Variants in CDKL3 observed in about 807,000 individuals in gnomAD.
CDKL3 encodes the protein cyclin-dependent kinase-like 3.
CDKL3 carries 65 observed loss-of-function variants against 69.3 expected under a neutral mutation model. That is an observed-to-expected ratio of 0.94 (90% CI 0.77 to 1.15). The LOEUF is 1.15. Among genes scored for constraint, CDKL3 ranks in the 50% most tolerant of loss-of-function variants. CDKL3 has a pLI of 0.00. For missense variants in CDKL3, 652 were observed against 689.2 expected (o/e 0.95, Z 0.61); for synonymous variants, 202 against 221.6 (o/e 0.91, Z 0.79).
intron 4 of CDKL3, among the ~76,000 whole-genome samples, chr5:134,326,841 A>ATGTGTGTG (rs1341051033): frequency 7.9e-6 from 1 of 126,016 alleles, no homozygotes; most frequent in Non-Finnish European, 1.6e-5. Flanking sequence ...ATATATATAT[A>ATGTGTGTG]TATATATATA....
chr5:134,310,992 A>G (rs890265116), intron 7 of CDKL3, among the ~76,000 whole-genome samples: 1 of 152,236 alleles, frequency 6.6e-6, no homozygotes, highest in African/African-American at 2.4e-5. Context: ...GTCCAAAGAC[A>G]AGCTGAATGG....
intron 8 of CDKL3, among the ~76,000 whole-genome samples, chr5:134,290,542 G>A (rs936383137): frequency 3.3e-5 from 5 of 152,070 alleles, no homozygotes; most frequent in Admixed American, 3.3e-4. Context: ...GGAACAGAAT[G>A]AGCAATAGGG....
chr5:134,303,856 TAAATA>T (rs956951244), intron 11 of CDKL3, among the ~76,000 whole-genome samples: 1 of 151,802 alleles, frequency 6.6e-6, no homozygotes, highest in Non-Finnish European at 1.5e-5. Context: ...CTTAAATAAA[TAAATA>T]AATAAATAAA....
intron 3 of CDKL3, among the ~76,000 whole-genome samples, chr5:134,355,809 G>A (rs2149625337): frequency 1.3e-5 from 2 of 152,240 alleles, no homozygotes; most frequent in East Asian, 1.9e-4. Flanking sequence ...AAGCTAAGCC[G>A]CTCCATACTA....
chr5:134,306,328 C>T (rs533876631), intron 10 of CDKL3, among the ~76,000 whole-genome samples: 1 of 152,050 alleles, frequency 6.6e-6, no homozygotes, highest in African/African-American at 2.4e-5. Context: ...GACTTTGTCG[C>T]TACAAAAAAA....
rs543092914 is a variant in CDKL3 at position 134,332,221 on chromosome 5, A to T, written c.540-10318T>A. On this transcript the variant is annotated intron_variant, in intron 4 of 12. Transcript: ENST00000265334. ...CTTTGTCAGATAGATAGATTGCAAA[A>T]ATTTTCTCCCATTCTGTAGGTTGTC... 3.3e-5 allele frequency among the ~76,000 whole-genome samples: 5 copies of T among 152,178 alleles called. No individual in the cohort carries two copies. In the East Asian group the frequency reaches 9.7e-4, roughly 29 times the overall value.
At chr5:134,348,166 C>T (rs1752404064) in intron 4 of CDKL3, among the ~76,000 whole-genome samples, 1 of 152,124 alleles carries the variant, frequency 6.6e-6, no homozygotes, top group Non-Finnish European at 1.5e-5. Flanking sequence ...GGCAAAAGGA[C>T]TGCTTGAGGG....
chr5:134,353,122 T>C (rs1000540512), intron 3 of CDKL3, among the ~76,000 whole-genome samples: 3 of 152,206 alleles, frequency 2.0e-5, no homozygotes, highest in African/African-American at 7.2e-5. Context: ...ATAGCTTTAG[T>C]AACTGTCCAT....
intron 4 of CDKL3, 79 bp from the exon 5 acceptor site, chr5:134,321,982 A>C (rs1465203396): frequency 1.0e-5 from 8 of 779,736 alleles, no homozygotes; most frequent in African/African-American, 1.8e-5. Context: ...TGTTTAAAGA[A>C]GGCCAAGGCT....
intron 11 of CDKL3, 46 bp downstream of exon 11, chr5:134,304,359 A>C (rs1397356878): frequency 1.4e-6 from 2 of 1,416,054 alleles, no homozygotes; most frequent in African/African-American, 2.9e-5. Context: ...AAAAAATCTT[A>C]TAAATGATAT....
intron 3 of CDKL3, among the ~76,000 whole-genome samples, chr5:134,358,272 C>T (rs1219683217): frequency 2.6e-5 from 4 of 152,120 alleles, no homozygotes; most frequent in East Asian, 1.9e-4. Flanking sequence ...TCCCCTGCTC[C>T]GGTCTACTTC....
At chr5:134,359,816 C>T in intron 3 of CDKL3, 81 bp downstream of exon 3, 6 of 916,900 alleles carry the variant, frequency 6.5e-6, no homozygotes, top group Admixed American at 3.2e-5. Context: ...TGTTAGCCAC[C>T]TTCATAAAAA....
chr5:134,360,241 T>C, intron 2 of CDKL3, 150 bp from the exon 3 acceptor site: 1 of 644,250 alleles, frequency 1.6e-6, no homozygotes, highest in African/African-American at 1.8e-5. Flanking sequence ...AGTCTTGCTC[T>C]GTCGCCAGGC....
intron 2 of CDKL3, 29 bp downstream of exon 2, chr5:134,366,330 C>A: frequency 6.7e-7 from 1 of 1,500,970 alleles, no homozygotes; most frequent in Non-Finnish European, 8.9e-7. Flanking sequence ...TTTCTTTTGA[C>A]TTAGATGATT....
chr5:134,321,675 C>T, intron 5 of CDKL3, 116 bp downstream of exon 5: 1 of 599,092 alleles, frequency 1.7e-6, no homozygotes, highest in Non-Finnish European at 3.0e-6. Flanking sequence ...TGCCATCTAT[C>T]AAAACAATAT....
intron 10 of CDKL3, among the ~76,000 whole-genome samples, chr5:134,305,816 G>C (rs1767663296): frequency 6.6e-6 from 1 of 152,144 alleles, no homozygotes; most frequent in African/African-American, 2.4e-5. Context: ...GTAAAAAGTT[G>C]TGAGGTCCCA....
chr5:134,313,397 T>A (rs544961844), intron 6 of CDKL3, among the ~76,000 whole-genome samples: 2 of 152,166 alleles, frequency 1.3e-5, no homozygotes, highest in Non-Finnish European at 2.9e-5. Flanking sequence ...CTTTTATTGA[T>A]GCTTACTACA....
At chr5:134,330,649 A>G (rs952338454) in intron 4 of CDKL3, among the ~76,000 whole-genome samples, 1 of 152,090 alleles carries the variant, frequency 6.6e-6, no homozygotes, top group Non-Finnish European at 1.5e-5. Context: ...CAGGAAACAG[A>G]GGTTGCAGTG....
chr5:134,364,521 T>C (rs1240765055), intron 2 of CDKL3, among the ~76,000 whole-genome samples: 7 of 148,428 alleles, frequency 4.7e-5, no homozygotes, highest in Non-Finnish European at 8.9e-5. Flanking sequence ...TTTCATGTCT[T>C]TTTTTTTTTA....
Sources: allele counts gnomAD v4.1 joint callset (sites outside exome capture counted in the v4.1 genomes callset), GRCh38; gene constraint gnomAD v4.1.1; transcripts MANE v1.5; gene names NCBI Gene and HGNC (gene_info 2026-07-23, HGNC 2026-07-21).